Variants in GATAD1 observed in about 807,000 individuals in gnomAD.
The protein encoded by GATAD1 is GATA zinc finger domain-containing protein 1.
Under a neutral mutation model 26.5 loss-of-function variants are expected in GATAD1, and 12 were observed. The ratio of observed to expected loss-of-function variants is 0.45; its 90% CI spans 0.29 to 0.73. The LOEUF (loss-of-function observed/expected upper bound fraction) is 0.73, where lower values mean the gene tolerates loss of function less well. Ranked by LOEUF, GATAD1 falls within the 30% of genes least tolerant of loss-of-function variation. The pLI, the probability that GATAD1 is intolerant of heterozygous loss-of-function variation, is 0.10. For missense variants in GATAD1, 266 were observed against 342.1 expected, an observed-to-expected ratio of 0.78 and a Z score of 1.75; for synonymous variants, 129 against 133.1, an observed-to-expected ratio of 0.97 and a Z score of 0.21.
the GATAD1 span, among the ~76,000 whole-genome samples, chr7:92,466,872 A>T: frequency 6.6e-6 from 1 of 152,170 alleles, no homozygotes; most frequent in Non-Finnish European, 1.5e-5. Context: ...GGTGCAAGGT[A>T]CTCATTAAGA....
the GATAD1 span, chr7:92,491,439 T>C: frequency 1.4e-5 from 23 of 1,613,892 alleles, no homozygotes; most frequent in South Asian, 1.9e-4. Flanking sequence ...TCAGAGCCAC[T>C]GCTATGGTTA....
At chr7:92,491,889 AG>A in the GATAD1 span, among the ~76,000 whole-genome samples, 3 of 152,202 alleles carry the variant, frequency 2.0e-5, no homozygotes, top group Non-Finnish European at 1.5e-5. Flanking sequence ...CTGGTAGTAA[AG>A]GGAGAGGGAA....
At chr7:92,489,589 G>T in the GATAD1 span, 1 of 1,020,832 alleles carries the variant, frequency 9.8e-7, no homozygotes, top group Non-Finnish European at 1.5e-6. Context: ...CCATGACTGA[G>T]TTAATGTGTT....
the GATAD1 span, among the ~76,000 whole-genome samples, chr7:92,481,987 A>T: frequency 2.6e-5 from 4 of 152,238 alleles, no homozygotes; most frequent in African/African-American, 9.6e-5. Context: ...TCCTTTGGAG[A>T]ACAAATGTTG....
the GATAD1 span, chr7:92,494,233 G>C: frequency 8.0e-7 from 1 of 1,248,178 alleles, no homozygotes; most frequent in Non-Finnish European, 1.2e-6. Context: ...CAGAAGTAAA[G>C]CTCACAAGGA....
At chr7:92,479,942 A>T in the GATAD1 span, among the ~76,000 whole-genome samples, 1 of 152,206 alleles carries the variant, frequency 6.6e-6, no homozygotes, top group Non-Finnish European at 1.5e-5. Context: ...AGGACCTAAG[A>T]CATCCAATTA....
At chr7:92,463,504 TA>T (rs370275077), downstream of GATAD1, among the ~76,000 whole-genome samples, 3,758 of 146,456 alleles carry the variant, frequency 0.026, 67 homozygotes, top group Non-Finnish European at 0.042. Context: ...TAAAAACAAA[TA>T]AAAAAAAAAT....
chr7:92,454,334 G>A (rs935126885), intron 3 of GATAD1, 168 bp from the exon 4 acceptor site: 31 of 596,484 alleles, frequency 5.2e-5, no homozygotes, highest in Non-Finnish European at 8.5e-5. Context: ...TCATTCAAAC[G>A]TGAAACAACT....
intron 3 of GATAD1, chr7:92,454,057 C>T (rs560684189): frequency 3.0e-5 from 6 of 199,950 alleles, no homozygotes; most frequent in East Asian, 1.8e-4. Context: ...TACGTTCATC[C>T]GTGTAACAAG....
the GATAD1 span, chr7:92,487,392 C>T: frequency 3.6e-6 from 3 of 823,668 alleles, no homozygotes; most frequent in Admixed American, 2.3e-5. Context: ...CCATTTTTTT[C>T]CTGTTACAAC....
chr7:92,489,832 T>C, the GATAD1 span: 1 of 1,614,044 alleles, frequency 6.2e-7, no homozygotes, highest in African/African-American at 1.3e-5. Flanking sequence ...CACTGGAGGC[T>C]GTGAAAACAA....
chr7:92,456,458 C>T lies in GATAD1; in HGVS notation c.706C>T (p.Pro236Ser). 1 of 1,611,712 alleles carries T rather than the reference C, an allele frequency of 6.2e-7. No homozygotes were observed. The highest frequency in any genetic ancestry group is 1.1e-5 in the South Asian group (1 of 91,040). Residue 236 changes from proline to serine, a missense_variant, in exon 5 of 5, where the codon CCA (proline) becomes TCA (serine). Pro to Ser is a moderately conservative substitution (Grantham distance 74). Coordinates refer to ENST00000287957, the MANE Select transcript of GATAD1 (RefSeq NM_021167.5). ...TGAGTATTTCAAGTCACGGTCATCA[C>T]CATTTCCCACAGTTCCCACCAGACC... ...PSEYFKSRSSPFPTVPTRPEK... is the reference protein window; with the variant it reads ...PSEYFKSRSSSFPTVPTRPEK...
downstream of GATAD1, among the ~76,000 whole-genome samples, chr7:92,462,322 G>A (rs538419694): frequency 2.0e-5 from 3 of 150,832 alleles, no homozygotes; most frequent in South Asian, 2.1e-4. Flanking sequence ...TTTATAAAAT[G>A]TTTAGTGTAA....
At chr7:92,473,781 C>T in the GATAD1 span, among the ~76,000 whole-genome samples, 2 of 151,802 alleles carry the variant, frequency 1.3e-5, no homozygotes, top group Admixed American at 6.6e-5. Flanking sequence ...CTAAGAAGAC[C>T]GCACCAGTGT....
chr7:92,457,514 T>TTATGAAA lies in GATAD1; in HGVS notation c.*953_*954insATGAAAT, dbSNP rs1789731462. ...GGGATAGAATATAATGAAATATATT[T>TTATGAAA]TGAACTTAAATTATATTCTATATGT... is the stretch of plus-strand genomic sequence containing the variant. On this transcript the variant is annotated 3_prime_UTR_variant, in exon 5 of 5. Transcript: ENST00000287957. 6.6e-6 allele frequency: 1 copy of TTATGAAA among 152,184 alleles called. No homozygotes were observed. Among genetic ancestry groups the TTATGAAA allele is most frequent in the African/African-American group, 2.4e-5 (1 of 41,440 alleles). 9.4% of individuals were successfully genotyped at this position (152,184 alleles called of 1,614,324 possible).
chr7:92,473,490 GT>G, the GATAD1 span, among the ~76,000 whole-genome samples: 2 of 151,974 alleles, frequency 1.3e-5, no homozygotes, highest in Admixed American at 6.6e-5. Flanking sequence ...TTGTCCTTCT[GT>G]TGCCCAGACT....
At chr7:92,493,969 G>C in the GATAD1 span, 1 of 282,832 alleles carries the variant, frequency 3.5e-6, no homozygotes, top group Non-Finnish European at 6.8e-6. Flanking sequence ...CTGTATCAGA[G>C]TTTTTTTTTT....
chr7:92,492,904 T>A, the GATAD1 span: 3 of 1,406,056 alleles, frequency 2.1e-6, no homozygotes, highest in Admixed American at 5.0e-5. Context: ...GACATTGTAC[T>A]TCTTTTATCA....
At chr7:92,485,436 G>A in the GATAD1 span, among the ~76,000 whole-genome samples, 1 of 152,304 alleles carries the variant, frequency 6.6e-6, no homozygotes. Flanking sequence ...CCTGGTTTGA[G>A]TCACCACAAT....
Sources: gnomAD v4.1 joint callset for allele counts (sites outside exome capture counted in the v4.1 genomes callset) on GRCh38, gnomAD v4.1.1 for gene constraint, MANE v1.5 for transcripts, NCBI Gene and HGNC (gene_info 2026-07-23, HGNC 2026-07-21) for gene names.